The following RBMS3 variants were observed in gnomAD, a reference collection of about 807,000 sequenced individuals.
The protein encoded by RBMS3 is RNA binding motif single stranded interacting protein 3.
In RBMS3, 27 loss-of-function variants were observed where a neutral mutation model predicts 66.8. The ratio of observed to expected loss-of-function variants is 0.40; its 90% confidence interval spans 0.30 to 0.56. The LOEUF is 0.56. Ranked by LOEUF, RBMS3 falls within the 20% of genes least tolerant of loss-of-function variation. RBMS3 has a pLI of 0.40. For synonymous variants in RBMS3, 188 were observed against 183.0 expected (o/e 1.03, Z -0.22); for missense variants, 513 against 549.5 (o/e 0.93, Z 0.66).
chr3:29,723,066 C>T (rs774078053), intron 4 of RBMS3, among the ~76,000 whole-genome samples: 26 of 151,940 alleles, frequency 1.7e-4, no homozygotes, highest in Non-Finnish European at 3.5e-4. Flanking sequence ...ACCTCCGCCT[C>T]CCAGGTTCAA....
chr3:29,781,554 G>A (rs561159135), intron 6 of RBMS3, among the ~76,000 whole-genome samples: 1 of 152,204 alleles, frequency 6.6e-6, no homozygotes, highest in South Asian at 2.1e-4. Context: ...ATCAGGGTTA[G>A]CTCCTGAATA....
intron 6 of RBMS3, among the ~76,000 whole-genome samples, chr3:29,781,570 A>G (rs889660771): frequency 2.6e-5 from 4 of 152,174 alleles, no homozygotes; most frequent in Non-Finnish European, 5.9e-5. Context: ...GAATATTATG[A>G]AATACCTGAG....
At chr3:29,948,422 G>C (rs1426113874) in intron 12 of RBMS3, among the ~76,000 whole-genome samples, 1 of 151,786 alleles carries the variant, frequency 6.6e-6, no homozygotes, top group Non-Finnish European at 1.5e-5. Context: ...GAATTGCTGT[G>C]TGAAACTATC....
At position 29,318,853 on chromosome 3, in the gene RBMS3, A is replaced by G. The variant is rs547329096; in HGVS notation, c.75+37097A>G. On this transcript the variant is annotated intron_variant, in intron 1 of 14. Coordinates refer to ENST00000383767, the MANE Select transcript of RBMS3 (RefSeq NM_001003793.3). ...ACAATTTTATTAGTGCTATAATGGA[A>G]GCATGACTAGGATACTAGGGGGGCA... 1.7e-3 allele frequency among the ~76,000 whole-genome samples: 265 copies of G among 152,020 alleles called. 2 individuals carry two copies. The highest frequency in any genetic ancestry group is 5.9e-3 in the African/African-American group (243 of 41,526).
At chr3:29,413,371 T>TACA (rs2040351308) in intron 1 of RBMS3, among the ~76,000 whole-genome samples, 8 of 134,270 alleles carry the variant, frequency 6.0e-5, no homozygotes, top group South Asian at 2.4e-4. Flanking sequence ...CTCCATCTCA[T>TACA]TCATACATAC....
intron 8 of RBMS3, among the ~76,000 whole-genome samples, chr3:29,890,372 C>T (rs2059971771): frequency 6.6e-6 from 1 of 151,608 alleles, no homozygotes. Context: ...TCCTCATTCG[C>T]ATTGCTCTAT....
At chr3:29,549,343 C>A (rs1475602410) in intron 3 of RBMS3, among the ~76,000 whole-genome samples, 1 of 151,518 alleles carries the variant, frequency 6.6e-6, no homozygotes, top group African/African-American at 2.4e-5. Context: ...GTCCTCTAGT[C>A]CTGGTCATTT....
intron 6 of RBMS3, among the ~76,000 whole-genome samples, chr3:29,867,037 C>G (rs1355337394): frequency 6.6e-6 from 1 of 152,088 alleles, no homozygotes; most frequent in Non-Finnish European, 1.5e-5. Flanking sequence ...TACTGATAAA[C>G]AGAGTTGCTG....
chr3:29,412,341 G>T (rs2040299775), intron 1 of RBMS3, among the ~76,000 whole-genome samples: 1 of 152,154 alleles, frequency 6.6e-6, no homozygotes, highest in African/African-American at 2.4e-5. Context: ...TATGCTTGCA[G>T]GTGTTTTGGC....
At position 29,930,274 on chromosome 3, in the gene RBMS3, G is replaced by T. The variant is rs57112147; in HGVS notation, c.940-5812G>T. 8.1e-3 allele frequency among the ~76,000 whole-genome samples: 1,219 copies of T among 151,226 alleles called. 16 individuals carry two copies. The highest frequency in any genetic ancestry group is 0.028 in the African/African-American group (1,173 of 41,274). ...CTACAGGCGCCTACCACCACGCCTG[G>T]CTAATTTTTTCTATTTTTTAGTAGA... is the stretch of plus-strand genomic sequence containing the variant. On this transcript the variant is annotated intron_variant, in intron 10 of 14. Transcript: ENST00000383767.
At chr3:29,374,110 C>T (rs948155597) in intron 1 of RBMS3, among the ~76,000 whole-genome samples, 1 of 152,128 alleles carries the variant, frequency 6.6e-6, no homozygotes, top group Admixed American at 6.5e-5. Flanking sequence ...AGCCTGGGGA[C>T]TATAACCATT....
intron 2 of RBMS3, among the ~76,000 whole-genome samples, chr3:29,466,034 C>T (rs2042530559): frequency 6.6e-6 from 1 of 151,654 alleles, no homozygotes; most frequent in African/African-American, 2.4e-5. Context: ...CACTGCAGGA[C>T]CTCACTCACT....
At chr3:29,314,515 T>C (rs1172746879) in intron 1 of RBMS3, among the ~76,000 whole-genome samples, 1 of 151,702 alleles carries the variant, frequency 6.6e-6, no homozygotes, top group Admixed American at 6.6e-5. Flanking sequence ...GGCTGAGGTT[T>C]ATAAAGTTAT....
intron 6 of RBMS3, among the ~76,000 whole-genome samples, chr3:29,821,733 C>T (rs749759557): frequency 9.2e-5 from 14 of 152,052 alleles, no homozygotes; most frequent in Non-Finnish European, 1.3e-4. Flanking sequence ...TTTAAGAAGC[C>T]GAAATGTAGG....
chr3:29,349,666 C>T (rs903724086), intron 1 of RBMS3, among the ~76,000 whole-genome samples: 9 of 152,168 alleles, frequency 5.9e-5, no homozygotes, highest in Non-Finnish European at 1.0e-4. Context: ...CTCTGTCACC[C>T]TACTCTGACA....
At chr3:29,490,437 A>G (rs1246341368) in intron 3 of RBMS3, among the ~76,000 whole-genome samples, 1 of 152,190 alleles carries the variant, frequency 6.6e-6, no homozygotes, top group African/African-American at 2.4e-5. Context: ...AGAGGAATGT[A>G]TGAAACAAAC....
intron 2 of RBMS3, among the ~76,000 whole-genome samples, chr3:29,459,850 C>T (rs1000852643): frequency 6.6e-6 from 1 of 152,172 alleles, no homozygotes; most frequent in Non-Finnish European, 1.5e-5. Context: ...GAACTTAGAA[C>T]TGAGGGAACC....
At chr3:29,894,105 CA>C (rs2060066323) in intron 8 of RBMS3, among the ~76,000 whole-genome samples, 1 of 151,510 alleles carries the variant, frequency 6.6e-6, no homozygotes, top group South Asian at 2.1e-4. Flanking sequence ...GGCTTAAACA[CA>C]AAAATTTATC....
At chr3:29,438,662 C>T (rs886707873) in intron 2 of RBMS3, among the ~76,000 whole-genome samples, 1 of 152,020 alleles carries the variant, frequency 6.6e-6, no homozygotes, top group Non-Finnish European at 1.5e-5. Context: ...TTATACTGTG[C>T]GTAGCGTAGA....
Sources: gnomAD v4.1 joint callset for allele counts (sites outside exome capture counted in the v4.1 genomes callset) on GRCh38, gnomAD v4.1.1 for gene constraint, MANE v1.5 for transcripts, NCBI Gene and HGNC (gene_info 2026-07-23, HGNC 2026-07-21) for gene names.